The following MAPK10 variants were observed in gnomAD, a reference collection of about 807,000 sequenced individuals.
MAPK10 encodes the protein mitogen-activated protein kinase 10.
In MAPK10, 25 loss-of-function variants were observed where a neutral mutation model predicts 59.3. That is an observed-to-expected ratio of 0.42 (90% CI 0.31 to 0.59). The LOEUF (loss-of-function observed/expected upper bound fraction) is 0.59, where lower values mean the gene tolerates loss of function less well. MAPK10 is among the 20% of genes least tolerant of loss of function. The pLI is 0.15. For synonymous variants in MAPK10, 190 were observed against 200.5 expected, an observed-to-expected ratio of 0.95 and a Z score of 0.44; for missense variants, 351 against 568.9, an observed-to-expected ratio of 0.62 and a Z score of 3.90.
intron 13 of MAPK10, chr4:86,023,812 A>AATATATATATATATATATATATATATAT (rs368982706): frequency 2.0e-5 from 2 of 100,444 alleles, no homozygotes; most frequent in African/African-American, 4.1e-5. Flanking sequence ...AGATCAAATG[A>AATATATATATATATATATATATATATAT]ATATATATAT....
At chr4:86,037,015 C>A (rs1252541693) in intron 11 of MAPK10, among the ~76,000 whole-genome samples, 1 of 152,198 alleles carries the variant, frequency 6.6e-6, no homozygotes, top group African/African-American at 2.4e-5. Context: ...GACAGCACGT[C>A]AGCATTTCCT....
At chr4:86,142,295 C>T (rs1238767622) in intron 4 of MAPK10, among the ~76,000 whole-genome samples, 2 of 152,144 alleles carry the variant, frequency 1.3e-5, no homozygotes, top group Admixed American at 1.3e-4. Context: ...ACGAAGAAAA[C>T]TGGAGCTGCG....
chr4:86,485,956 G>A (rs1444379501), intron 1 of MAPK10, among the ~76,000 whole-genome samples: 1 of 152,198 alleles, frequency 6.6e-6, no homozygotes, highest in Non-Finnish European at 1.5e-5. Context: ...CGCCTGAGAA[G>A]TGAAAAATAA....
intron 1 of MAPK10, among the ~76,000 whole-genome samples, chr4:86,478,068 C>T (rs1166570966): frequency 6.6e-6 from 1 of 152,220 alleles, no homozygotes; most frequent in Non-Finnish European, 1.5e-5. Flanking sequence ...TTGTGTCCAA[C>T]TGATCTCTCA....
chr4:86,206,620 C>T (rs1191558727), intron 2 of MAPK10, among the ~76,000 whole-genome samples: 1 of 152,242 alleles, frequency 6.6e-6, no homozygotes, highest in African/African-American at 2.4e-5. Flanking sequence ...AGAATCACCA[C>T]ACTGACTTCC....
At position 86,274,026 on chromosome 4, in the gene MAPK10, T is replaced by C. The variant is rs150639723; in HGVS notation, c.-6-79619A>G. On this transcript the variant is annotated intron_variant, in intron 2 of 13. Transcript: ENST00000641462. ...TTGATTTAGCTATTAAAGGGTAAAA[T>C]ACATTTCACAATAATTATAAGTTAG... Among the ~76,000 whole-genome samples, 886 of 152,158 alleles carry C rather than the reference T, an allele frequency of 5.8e-3. 8 individuals carry two copies. Among genetic ancestry groups the C allele is most frequent in the African/African-American group, 0.02 (834 of 41,562 alleles).
intron 1 of MAPK10, among the ~76,000 whole-genome samples, chr4:86,474,935 G>A (rs527517438): frequency 5.3e-5 from 8 of 152,078 alleles, no homozygotes; most frequent in African/African-American, 1.2e-4. Flanking sequence ...GAAAATGGCC[G>A]GTCCTTGCCT....
intron 1 of MAPK10, among the ~76,000 whole-genome samples, chr4:86,427,468 G>A (rs945605315): frequency 2.6e-5 from 4 of 152,008 alleles, no homozygotes; most frequent in Non-Finnish European, 4.4e-5. Context: ...AAAAGGATGC[G>A]TTTCTTGTCT....
At chr4:86,437,884 C>T (rs1262283137) in intron 1 of MAPK10, among the ~76,000 whole-genome samples, 1 of 152,160 alleles carries the variant, frequency 6.6e-6, no homozygotes, top group Non-Finnish European at 1.5e-5. Context: ...CTGTACTATG[C>T]TCACTCAATG....
chr4:86,225,422 T>C (rs1274174460), intron 2 of MAPK10, among the ~76,000 whole-genome samples: 1 of 152,180 alleles, frequency 6.6e-6, no homozygotes, highest in Non-Finnish European at 1.5e-5. Context: ...CTGTAGGAAA[T>C]GGGCAAGTCC....
At chr4:86,548,163 C>T (rs1428124938) in intron 1 of MAPK10, among the ~76,000 whole-genome samples, 1 of 152,142 alleles carries the variant, frequency 6.6e-6, no homozygotes, top group African/African-American at 2.4e-5. Context: ...TCTGCAGCTT[C>T]ACTCCTGAAG....
chr4:86,135,242 C>A (rs1175262771), intron 4 of MAPK10, among the ~76,000 whole-genome samples: 1 of 152,206 alleles, frequency 6.6e-6, no homozygotes, highest in Non-Finnish European at 1.5e-5. Flanking sequence ...AGGGCACAGA[C>A]AAACAAAAAG....
intron 2 of MAPK10, among the ~76,000 whole-genome samples, chr4:86,239,096 T>C (rs2092515280): frequency 6.6e-6 from 1 of 152,196 alleles, no homozygotes; most frequent in South Asian, 2.1e-4. Flanking sequence ...CTGCATCTAT[T>C]GAGATAATCA....
chr4:86,441,860 G>C (rs1371581544), intron 1 of MAPK10, among the ~76,000 whole-genome samples: 1 of 152,172 alleles, frequency 6.6e-6, no homozygotes, highest in East Asian at 1.9e-4. Flanking sequence ...TTTTGTTAAT[G>C]AATAGAAACA....
At chr4:86,576,963 T>C (rs28653505) in intron 1 of MAPK10, among the ~76,000 whole-genome samples, 8,631 of 152,210 alleles carry the variant, frequency 0.057, 353 homozygotes, top group African/African-American at 0.095. Context: ...AGAGCGCTGC[T>C]TTTAATATTT....
At chr4:86,323,592 T>C (rs1042253834) in intron 2 of MAPK10, among the ~76,000 whole-genome samples, 22 of 152,176 alleles carry the variant, frequency 1.4e-4, no homozygotes, top group Non-Finnish European at 2.8e-4. Context: ...ATACAAAATC[T>C]AGAAATTCCA....
chr4:86,594,005 A>G (rs553997707), exon 1 of MAPK10: 20 of 152,258 alleles, frequency 1.3e-4, no homozygotes, highest in African/African-American at 4.6e-4. Context: ...ACTTGGCCTA[A>G]AAGTTGGAGT....
intron 1 of MAPK10, among the ~76,000 whole-genome samples, chr4:86,497,873 T>G (rs1754995404): frequency 6.6e-6 from 1 of 152,150 alleles, no homozygotes; most frequent in Non-Finnish European, 1.5e-5. Context: ...AGGAGCAGGG[T>G]TGATTAGAAA....
At chr4:86,462,507 A>G (rs1227977828) in intron 1 of MAPK10, among the ~76,000 whole-genome samples, 1 of 152,216 alleles carries the variant, frequency 6.6e-6, no homozygotes, top group Non-Finnish European at 1.5e-5. Context: ...ATTCAAGGAA[A>G]GAAATTTGAA....
Sources: allele counts gnomAD v4.1 joint callset (sites outside exome capture counted in the v4.1 genomes callset), GRCh38; gene constraint gnomAD v4.1.1; transcripts MANE v1.5; gene names NCBI Gene and HGNC (gene_info 2026-07-23, HGNC 2026-07-21).